Variants in ZNF438 observed in about 807,000 individuals in gnomAD.
The protein encoded by ZNF438 is zinc finger protein 438.
ZNF438 carries 25 observed loss-of-function variants against 38.0 expected under a neutral mutation model. The ratio of observed to expected loss-of-function variants is 0.66; its 90% CI spans 0.48 to 0.92. ZNF438 has a LOEUF of 0.92. Ranked by LOEUF, ZNF438 falls within the 40% of genes least tolerant of loss-of-function variation. The pLI is 0.00. For synonymous variants in ZNF438, 372 were observed against 364.1 expected (o/e 1.02, Z -0.25); for missense variants, 1,007 against 999.6 (o/e 1.01, Z -0.10).
intron 4 of ZNF438, among the ~76,000 whole-genome samples, chr10:30,851,602 C>G (rs950318407): frequency 2.0e-5 from 3 of 152,172 alleles, no homozygotes; most frequent in African/African-American, 7.2e-5. Flanking sequence ...TAACTCCCAG[C>G]GGAATCTGCA....
At chr10:30,976,386 T>C (rs1283590420) in intron 1 of ZNF438, among the ~76,000 whole-genome samples, 3 of 152,160 alleles carry the variant, frequency 2.0e-5, no homozygotes, top group Admixed American at 6.5e-5. Context: ...CACAGATTTA[T>C]GGAGAAATAT....
At chr10:30,994,401 A>G (rs182955657) in intron 1 of ZNF438, among the ~76,000 whole-genome samples, 4 of 152,214 alleles carry the variant, frequency 2.6e-5, no homozygotes, top group Non-Finnish European at 5.9e-5. Context: ...TGAATGGATT[A>G]GTAGATTAAT....
At chr10:30,866,833 CAA>C (rs58445759) in intron 4 of ZNF438, among the ~76,000 whole-genome samples, 57,109 of 138,568 alleles carry the variant, frequency 0.41, 11,086 homozygotes, top group Admixed American at 0.45. Context: ...GACTCTGTCT[CAA>C]AAAAAAAAAA....
At chr10:30,916,891 A>C (rs2043699158) in intron 2 of ZNF438, among the ~76,000 whole-genome samples, 2 of 152,228 alleles carry the variant, frequency 1.3e-5, no homozygotes, top group East Asian at 1.9e-4. Flanking sequence ...TTGTATAACC[A>C]CTAGCAGGGC....
At chr10:30,979,390 T>G (rs1468004856) in intron 1 of ZNF438, among the ~76,000 whole-genome samples, 2 of 152,228 alleles carry the variant, frequency 1.3e-5, no homozygotes, top group Non-Finnish European at 2.9e-5. Context: ...ACTGCCTTTC[T>G]TCACAAAACT....
At chr10:30,982,933 C>T (rs1046352140) in intron 1 of ZNF438, among the ~76,000 whole-genome samples, 2 of 152,104 alleles carry the variant, frequency 1.3e-5, no homozygotes, top group Admixed American at 6.6e-5. Flanking sequence ...CATCTTTATT[C>T]GTACTTGTTA....
At chr10:31,002,226 T>C (rs1413809683) in intron 1 of ZNF438, among the ~76,000 whole-genome samples, 1 of 152,240 alleles carries the variant, frequency 6.6e-6, no homozygotes, top group Non-Finnish European at 1.5e-5. Context: ...GGCATTTCTT[T>C]GATTACCAGT....
Position 30,968,675 on chromosome 10 carries a change from C to T in ZNF438, c.-191-27024G>A, listed in dbSNP as rs189597558. On this transcript the variant is annotated intron_variant, in intron 1 of 5. Coordinates refer to ENST00000413025, the Ensembl canonical transcript of ZNF438. Reference sequence around the variant, plus strand: ...TCTGGCTAGCTCAAACTCCCGACCTCAGGTTATCCGCCCACCTAGCCCTCC... The same window carrying T: ...TCTGGCTAGCTCAAACTCCCGACCTTAGGTTATCCGCCCACCTAGCCCTCC... Among the ~76,000 whole-genome samples the T allele has an allele frequency of 1.3e-3, 202 of 152,126 alleles. 1 individual carries two copies. The highest frequency in any genetic ancestry group is 4.6e-3 in the African/African-American group (192 of 41,496).
chr10:30,944,452 C>A (rs988954448), intron 1 of ZNF438, among the ~76,000 whole-genome samples: 1 of 152,058 alleles, frequency 6.6e-6, no homozygotes, highest in African/African-American at 2.4e-5. Flanking sequence ...CAAACTCCAC[C>A]AACAGGGATG....
intron 4 of ZNF438, among the ~76,000 whole-genome samples, chr10:30,873,103 T>C (rs1470434386): frequency 2.0e-5 from 3 of 152,228 alleles, no homozygotes; most frequent in African/African-American, 7.2e-5. Flanking sequence ...CCTTATTATG[T>C]TGTTTTCATG....
chr10:30,869,752 A>G (rs187710893), intron 4 of ZNF438, among the ~76,000 whole-genome samples: 7 of 152,352 alleles, frequency 4.6e-5, no homozygotes, highest in African/African-American at 1.7e-4. Flanking sequence ...AATGGTACCA[A>G]AAGTCCAAGA....
chr10:31,021,167 TTACA>T (rs1564358402), intron 1 of ZNF438, among the ~76,000 whole-genome samples: 2 of 151,760 alleles, frequency 1.3e-5, no homozygotes, highest in African/African-American at 4.8e-5. Context: ...TATGAACTTA[TTACA>T]TACATAAATA....
chr10:30,850,474 C>T, intron 4 of ZNF438, 107 bp from the exon 6 acceptor site: 4 of 1,325,444 alleles, frequency 3.0e-6, no homozygotes, highest in South Asian at 1.6e-5. Context: ...ATTCCTTGAC[C>T]TACCTCCAAG....
intron 1 of ZNF438, among the ~76,000 whole-genome samples, chr10:30,956,696 T>C (rs1423528010): frequency 6.6e-6 from 1 of 152,210 alleles, no homozygotes; most frequent in Non-Finnish European, 1.5e-5. Flanking sequence ...TTCATCCATG[T>C]TCACTGCAAA....
At chr10:31,010,560 T>C (rs774524966) in intron 1 of ZNF438, among the ~76,000 whole-genome samples, 2 of 152,142 alleles carry the variant, frequency 1.3e-5, no homozygotes, top group Non-Finnish European at 2.9e-5. Context: ...TCTTTTGGCA[T>C]AAAAAATTGA....
intron 1 of ZNF438, among the ~76,000 whole-genome samples, chr10:30,989,451 T>G (rs984024388): frequency 2.6e-5 from 4 of 152,162 alleles, no homozygotes; most frequent in Non-Finnish European, 5.9e-5. Context: ...GGCCACATCT[T>G]CCTATACCAG....
chr10:30,889,400 C>T (rs1380634723), intron 3 of ZNF438, among the ~76,000 whole-genome samples: 1 of 152,118 alleles, frequency 6.6e-6, no homozygotes, highest in African/African-American at 2.4e-5. Flanking sequence ...AAAATACTCC[C>T]CTCCCCTCTT....
intron 1 of ZNF438, among the ~76,000 whole-genome samples, chr10:31,003,368 A>G (rs2054839578): frequency 1.3e-5 from 2 of 152,116 alleles, no homozygotes; most frequent in African/African-American, 2.4e-5. Flanking sequence ...AACAGGTAGT[A>G]TTGGATGTCT....
intron 2 of ZNF438, among the ~76,000 whole-genome samples, chr10:30,911,803 T>C (rs1444791106): frequency 2.0e-5 from 3 of 152,098 alleles, no homozygotes; most frequent in African/African-American, 7.2e-5. Context: ...AAACAGAAGT[T>C]ATCTGATGGA....
Sources: allele counts gnomAD v4.1 joint callset (sites outside exome capture counted in the v4.1 genomes callset), GRCh38; gene constraint gnomAD v4.1.1; transcripts MANE v1.5; gene names NCBI Gene and HGNC (gene_info 2026-07-23, HGNC 2026-07-21).